SPTBN1: variants seen among roughly 807,000 people sequenced by gnomAD.
SPTBN1 encodes the protein spectrin beta chain, non-erythrocytic 1.
In SPTBN1, 32 loss-of-function variants were observed where a neutral mutation model predicts 266.4. The observed-to-expected ratio is 0.12, with a 90% CI of 0.09 to 0.16. SPTBN1 has a LOEUF of 0.16. Ranked by LOEUF, SPTBN1 falls within the 10% of genes least tolerant of loss-of-function variation. The probability of loss-of-function intolerance (pLI) is 1.00; values close to 1 mark genes in which losing one functional copy is unlikely to be tolerated. For synonymous variants in SPTBN1, 1,336 were observed against 1,162.2 expected, an observed-to-expected ratio of 1.15 and a Z score of -3.04; for missense variants, 2,296 against 3,067.1, an observed-to-expected ratio of 0.75 and a Z score of 5.94.
At chr2:54,536,954 G>T (rs1249023607) in intron 2 of SPTBN1, among the ~76,000 whole-genome samples, 1 of 152,188 alleles carries the variant, frequency 6.6e-6, no homozygotes, top group African/African-American at 2.4e-5. Context: ...GATTGCTTCA[G>T]CCCAGGAGGC....
intron 5 of SPTBN1, among the ~76,000 whole-genome samples, chr2:54,617,114 T>C (rs1330325041): frequency 6.6e-6 from 1 of 152,206 alleles, no homozygotes; most frequent in Non-Finnish European, 1.5e-5. Flanking sequence ...GTTTCACACA[T>C]AAATTTTTCA....
Position 54,595,634 on chromosome 2 carries a change from C to T in SPTBN1, c.149-3458C>T, listed in dbSNP as rs148688711. 4.1e-3 allele frequency among the ~76,000 whole-genome samples: 631 copies of T among 152,306 alleles called. 6 individuals carry two copies. Among genetic ancestry groups the T allele is most frequent in the African/African-American group, 0.014 (595 of 41,562 alleles). ...TGGTGGCGTGAGTGGGCCTGAAGGC[C>T]GGCCATTTCTGCTGCCTTCGAGCTG... is the stretch of plus-strand genomic sequence containing the variant. On this transcript the variant is annotated intron_variant, in intron 2 of 35. Coordinates refer to ENST00000356805, the MANE Select transcript of SPTBN1 (RefSeq NM_003128.3).
At chr2:54,635,179 T>A (rs1319530185) in intron 17 of SPTBN1, among the ~76,000 whole-genome samples, 5 of 152,186 alleles carry the variant, frequency 3.3e-5, no homozygotes, top group Non-Finnish European at 7.4e-5. Context: ...TCTTTAAGAC[T>A]GTGGAAACTA....
At chr2:54,526,104 C>T (rs1267455727) in intron 1 of SPTBN1, among the ~76,000 whole-genome samples, 1 of 152,182 alleles carries the variant, frequency 6.6e-6, no homozygotes, top group Non-Finnish European at 1.5e-5. Context: ...TTGGGGGTAT[C>T]CATCATCTCA....
intron 2 of SPTBN1, among the ~76,000 whole-genome samples, chr2:54,553,789 A>G (rs1466741624): frequency 2.6e-5 from 4 of 152,196 alleles, no homozygotes; most frequent in Non-Finnish European, 5.9e-5. Flanking sequence ...CTGAGTCTTG[A>G]TAGTGTCTGG....
At chr2:54,485,614 C>G (rs1668323731) in intron 1 of SPTBN1, among the ~76,000 whole-genome samples, 1 of 152,136 alleles carries the variant, frequency 6.6e-6, no homozygotes, top group Non-Finnish European at 1.5e-5. Context: ...GGCCGCCACC[C>G]CATCTGGGAA....
intron 1 of SPTBN1, among the ~76,000 whole-genome samples, chr2:54,496,930 T>A (rs995677805): frequency 6.6e-5 from 10 of 152,256 alleles, no homozygotes; most frequent in Non-Finnish European, 1.0e-4. Flanking sequence ...CAACTATGTG[T>A]CCTGTAATAG....
rs1224994801 is a variant in SPTBN1, at chr2:54,664,888, G to A, written c.6659+197G>A. 8.2e-6 allele frequency: 5 copies of A among 607,754 alleles called. No homozygotes were observed. The highest frequency in any genetic ancestry group is 3.7e-5 in the African/African-American group (2 of 54,046). The allele number at this position is 607,754 out of a possible 1,614,324, so 37.6% of individuals were successfully genotyped here. A position where few individuals can be genotyped will look rare whatever the true frequency, so the allele number is the denominator to read the frequency against. ...CTGGTTATTCACTGAGAGAAGAAGA[G>A]TTGAGTTTGGATGGGAGTAGCTAGA... On this transcript the variant is annotated intron_variant, in intron 33 of 35. Transcript: ENST00000356805. This position sits in a 1 kb window ranked among gnomAD's most constrained non-coding sequence, Gnocchi z 5.6.
At chr2:54,525,723 G>A (rs529379092) in intron 1 of SPTBN1, among the ~76,000 whole-genome samples, 1 of 152,186 alleles carries the variant, frequency 6.6e-6, no homozygotes, top group Non-Finnish European at 1.5e-5. Context: ...ATCTACCTCC[G>A]ATAACATTTC....
chr2:54,644,509 G>T lies in SPTBN1; in HGVS notation c.4192G>T (p.Gly1398Cys), dbSNP rs754643448. The T allele has an allele frequency of 6.2e-7, 1 of 1,614,028 alleles. No individual in the cohort carries two copies. The highest frequency in any genetic ancestry group is 8.5e-7 in the Non-Finnish European group (1 of 1,180,020). The stretch of plus-strand genomic sequence containing the variant: ...TGCAGATCTAGACAAATGGCTGCAC[G>T]GCCTGGAGAGTCAGATTCAGTCTGA... ...SCADLDKWLHGLESQIQSDDY... is the reference protein window; with the variant it reads ...SCADLDKWLHCLESQIQSDDY... The change falls in exon 20 of 36, where the codon GGC (glycine) becomes TGC (cysteine). Residue 1398 changes from glycine (G) to cysteine (C), a missense_variant. Gly to Cys is a radical substitution (Grantham distance 159). This residue lies in a region of SPTBN1 where 386 missense variants were observed against 486.1 expected (regional missense o/e 0.79). Coordinates refer to ENST00000356805, the MANE Select transcript of SPTBN1 (RefSeq NM_003128.3).
At chr2:54,606,251 C>T (rs1676832556) in intron 3 of SPTBN1, among the ~76,000 whole-genome samples, 1 of 152,146 alleles carries the variant, frequency 6.6e-6, no homozygotes, top group African/African-American at 2.4e-5. Flanking sequence ...TACCGACAGT[C>T]CCCATCTATT....
Position 54,646,381 on chromosome 2 carries a change from C to T in SPTBN1, c.4772C>T (p.Ala1591Val), listed in dbSNP as rs1362791871. ...AAACGCCACAGGCGGCTGGAGGAGG[C>T]GCACAGGGCCCAGCAGTACTACTTT... ...TEKRHRRLEE[A>V]HRAQQYYFDA... Residue 1591 changes from alanine (A) to valine (V), a missense_variant, in exon 23 of 36, where the codon GCG becomes GTG. Ala to Val is a moderately conservative substitution (Grantham distance 64, BLOSUM62 0). This residue lies in a region of SPTBN1 where 644 missense variants were observed against 745.3 expected (regional missense o/e 0.86). Coordinates refer to ENST00000356805, the MANE Select transcript of SPTBN1 (RefSeq NM_003128.3). This position sits in a 1 kb window ranked among gnomAD's most constrained non-coding sequence, Gnocchi z 4.4. 8 of 1,613,110 alleles carry T rather than the reference C, an allele frequency of 5.0e-6. No homozygotes were observed. Among genetic ancestry groups the T allele is most frequent in the Admixed American group, 1.7e-5 (1 of 59,820 alleles).
At chr2:54,534,228 A>G (rs968031338) in intron 2 of SPTBN1, among the ~76,000 whole-genome samples, 4 of 152,208 alleles carry the variant, frequency 2.6e-5, no homozygotes, top group African/African-American at 9.7e-5. Flanking sequence ...TTCAGAGGTG[A>G]CACTTTCCTG....
At chr2:54,477,540 T>A (rs1667898946) in intron 1 of SPTBN1, among the ~76,000 whole-genome samples, 1 of 152,184 alleles carries the variant, frequency 6.6e-6, no homozygotes, top group Non-Finnish European at 1.5e-5. Flanking sequence ...ATTGCTGTTT[T>A]ATGACAGGAA....
At chr2:54,584,688 C>A (rs1216612429) in intron 2 of SPTBN1, among the ~76,000 whole-genome samples, 1 of 152,166 alleles carries the variant, frequency 6.6e-6, no homozygotes, top group African/African-American at 2.4e-5. Flanking sequence ...TTTATGGAGG[C>A]TGTTGAGAAG....
At position 54,554,794 on chromosome 2, in the gene SPTBN1, C is replaced by T. The variant is rs1443089760; in HGVS notation, c.148+28228C>T. On this transcript the variant is annotated intron_variant, in intron 2 of 35. Transcript: ENST00000356805. This position sits in a 1 kb window ranked among gnomAD's most constrained non-coding sequence, Gnocchi z 4.5. The stretch of plus-strand genomic sequence containing the variant: ...CCATCTTCCCACTGGCCTTTTCCTA[C>T]CTATGCCAACTTAGGGCTGAAACCT... Among the ~76,000 whole-genome samples, 5 of 152,186 alleles carry T rather than the reference C, an allele frequency of 3.3e-5. No individual in the cohort carries two copies. The highest frequency in any genetic ancestry group is 5.9e-5 in the Non-Finnish European group (4 of 68,032).
At chr2:54,571,432 G>A (rs544234330) in intron 2 of SPTBN1, among the ~76,000 whole-genome samples, 46 of 151,990 alleles carry the variant, frequency 3.0e-4, no homozygotes, top group Non-Finnish European at 5.6e-4. Flanking sequence ...GGAGTTTTCC[G>A]GTTTTAGTGC....
At chr2:54,585,937 C>G (rs1034366573) in intron 2 of SPTBN1, among the ~76,000 whole-genome samples, 1 of 152,210 alleles carries the variant, frequency 6.6e-6, no homozygotes, top group Non-Finnish European at 1.5e-5. Flanking sequence ...CAATAAATTA[C>G]TTCCTGAATG....
Position 54,653,705 on chromosome 2 carries a change from G to C in SPTBN1, c.5674G>C (p.Ala1892Pro). The change falls in exon 27 of 36, where the codon GCC becomes CCC. Residue 1892 changes from alanine (A) to proline (P), a missense_variant. By Grantham distance (27) the Ala-to-Pro change is conservative (BLOSUM62 -1). Transcript: ENST00000356805. This position sits in a 1 kb window ranked among gnomAD's most constrained non-coding sequence, Gnocchi z 5.1. ...GAAGCGCGAGAACGAGGTCCTGGAA[G>C]CCTGGAAGTCCCTCCTGGACGCCTG... ...IQKRENEVLE[A>P]WKSLLDACES... 1 of 1,614,214 alleles carries C rather than the reference G, an allele frequency of 6.2e-7. No individual in the cohort carries two copies. Among genetic ancestry groups the C allele is most frequent in the Non-Finnish European group, 8.5e-7 (1 of 1,180,018 alleles).
Sources: allele counts gnomAD v4.1 joint callset (sites outside exome capture counted in the v4.1 genomes callset), GRCh38; gene constraint gnomAD v4.1.1; regional missense constraint gnomAD v4.1.1; non-coding constraint Gnocchi (gnomAD v3.1); transcripts MANE v1.5; gene names NCBI Gene and HGNC (gene_info 2026-07-23, HGNC 2026-07-21).